Variants in STRN4 observed in about 807,000 individuals in gnomAD.
STRN4 encodes striatin 4, also known as striatin-4.
A neutral mutation model predicts 77.9 loss-of-function variants in STRN4; 27 were observed. The observed-to-expected ratio is 0.35, with a 90% CI of 0.26 to 0.48. The LOEUF (loss-of-function observed/expected upper bound fraction) is 0.48, where lower values mean the gene tolerates loss of function less well. STRN4 is among the 20% of genes least tolerant of loss of function. STRN4 has a pLI of 0.99. For missense variants in STRN4, 798 were observed against 1,049.7 expected (o/e 0.76, Z 3.31); for synonymous variants, 466 against 443.1 (o/e 1.05, Z -0.65).
chr19:46,746,201 G>C lies in STRN4; in HGVS notation c.230C>G (p.Ala77Gly). Residue 77 changes from alanine (A) to glycine (G), a missense_variant, in exon 1 of 18, where the codon GCG becomes GGG. Coordinates refer to ENST00000263280, the MANE Select transcript of STRN4 (RefSeq NM_013403.3). The stretch of plus-strand genomic sequence containing the variant: ...GCGGGCTTTCTCGGCTTCGAAGCGC[G>C]CCCACTCGTGCTGGATAAAGTGCAG... ...GILHFIQHEW[A>G]RFEAEKARWE... 1 of 1,538,612 alleles carries C rather than the reference G, an allele frequency of 6.5e-7. No individual in the cohort carries two copies. The highest frequency in any genetic ancestry group is 8.7e-7 in the Non-Finnish European group (1 of 1,151,004).
At position 46,723,701 on chromosome 19, in the gene STRN4, G is replaced by A. The variant is rs757119512; in HGVS notation, c.1595-417C>T. On this transcript the variant is annotated intron_variant, in intron 12 of 17. Coordinates refer to ENST00000263280, the MANE Select transcript of STRN4 (RefSeq NM_013403.3). This position sits in a 1 kb window ranked among gnomAD's most constrained non-coding sequence, Gnocchi z 5.5. ...AGCAGTCTTTTCAGCCCATGGCCAA[G>A]TGCATGGGCTTTGCCTGGTCTCTCC... Among the ~76,000 whole-genome samples, 9 of 152,202 alleles carry A rather than the reference G, an allele frequency of 5.9e-5. No individual in the cohort carries two copies. The highest frequency in any genetic ancestry group is 1.0e-4 in the Non-Finnish European group (7 of 68,032).
At chr19:46,745,891 C>T (rs961012382) in intron 1 of STRN4, 10 of 366,054 alleles carry the variant, frequency 2.7e-5, no homozygotes, top group Admixed American at 2.4e-4. Flanking sequence ...TTCTCTCGGC[C>T]GGTCCCGGTG....
At chr19:46,722,530 G>A (rs1424112810) in intron 14 of STRN4, among the ~76,000 whole-genome samples, 190 bp from the exon 15 acceptor site, 1 of 88,682 alleles carries the variant, frequency 1.1e-5, no homozygotes, top group African/African-American at 5.2e-5. Flanking sequence ...CCCTGTTTTG[G>A]GGCGGGGGAA....
At chr19:46,727,307 A>G (rs1240540661) in intron 9 of STRN4, 145 bp downstream of exon 9, 1 of 684,038 alleles carries the variant, frequency 1.5e-6, no homozygotes. Flanking sequence ...TGGCGACCGC[A>G]GTCAAGTCCC....
rs780137606 is a variant in STRN4, at chr19:46,727,952, C to T, written c.1095G>A (p.Gly365=). ...GILADLRDVD[G]LPPKVTGPPP... is the part of the protein sequence containing the mutation. ...GCGGGCCAGTCACTTTTGGGGGCAG[C>T]CCATCCACATCCCGCAGGTCAGCCA... is the stretch of plus-strand genomic sequence containing the variant. Residue 365 remains glycine (G), a synonymous_variant, in exon 8 of 18, where the codon GGG becomes GGA. Coordinates refer to ENST00000263280, the MANE Select transcript of STRN4 (RefSeq NM_013403.3). The T allele has an allele frequency of 6.2e-7, 1 of 1,613,714 alleles. No individual in the cohort carries two copies.
rs906444868 is a variant in STRN4, at chr19:46,730,619, A to G, written c.879+113T>C. 5.4e-6 allele frequency: 8 copies of G among 1,491,428 alleles called. No individual in the cohort carries two copies. In the African/African-American group the frequency reaches 9.6e-5, roughly 18 times the overall value. 92.4% of individuals were successfully genotyped at this position (1,491,428 alleles called of 1,614,324 possible). A position where few individuals can be genotyped will look rare whatever the true frequency, so the allele number is the denominator to read the frequency against. On this transcript the variant is annotated intron_variant, in intron 6 of 17. Coordinates refer to ENST00000263280, the MANE Select transcript of STRN4 (RefSeq NM_013403.3). The stretch of plus-strand genomic sequence containing the variant: ...TCCAGGCCAGGGCCTGTGTGTCTCC[A>G]TATCCCTGCTGCCAGCACACACCGC...
intron 8 of STRN4, 124 bp downstream of exon 8, chr19:46,727,770 C>T (rs182973242): frequency 3.7e-5 from 34 of 918,834 alleles, no homozygotes. Context: ...ACTTTTGGGG[C>T]AGGGAGGCTG....
In STRN4 at chr19:46,742,242, G is replaced by A. The variant is rs147042424; in HGVS notation, c.283-3354C>T. On this transcript the variant is annotated intron_variant, in intron 1 of 17. Transcript: ENST00000263280. ...CTGCTCATTATCAGACTGCAGCTCC[G>A]CCACCTTCCTGCTCCAAACTTATGG... is the stretch of plus-strand genomic sequence containing the variant. Among the ~76,000 whole-genome samples the A allele has an allele frequency of 1.3e-3, 205 of 152,210 alleles. 4 individuals are homozygous for A. In the East Asian group the frequency reaches 0.028, roughly 21 times the overall value.
rs1276780823 is a variant in STRN4, at chr19:46,724,897, T to G, written c.1504A>C (p.Asn502His). 6.2e-7 allele frequency: 1 copy of G among 1,613,988 alleles called. No homozygotes were observed. Among genetic ancestry groups the G allele is most frequent in the Non-Finnish European group, 8.5e-7 (1 of 1,180,050 alleles). ...CCGCCACTGTAGCAGTATTCACTGT[T>G]GCTGCCCATAGCCACAGCCAACACT... ...GPVLAVAMGS[N>H]SEYCYSGGAD... is the part of the protein sequence containing the mutation. Residue 502 changes from asparagine (N) to histidine (H), a missense_variant, in exon 12 of 18, where the codon AAC becomes CAC. By Grantham distance (68) the Asn-to-His change is moderately conservative. This residue lies in a region of STRN4 where 287 missense variants were observed against 473.8 expected (regional missense o/e 0.61). Transcript: ENST00000263280.
Position 46,722,069 on chromosome 19 carries a change from T to G in STRN4, c.2009A>C (p.Lys670Thr), listed in dbSNP as rs1308480795. The change falls in exon 16 of 18, where the codon AAG (lysine) becomes ACG (threonine). Residue 670 changes from lysine (K) to threonine (T), a missense_variant. Physicochemically the swap from Lys to Thr is moderately conservative, Grantham distance 78. Around this residue, in one of 2 missense-constraint regions of STRN4, gnomAD observed 287 missense variants for 473.8 expected, o/e 0.61. Coordinates refer to ENST00000263280, the MANE Select transcript of STRN4 (RefSeq NM_013403.3). ...GIRFLDNRTG[K>T]PVHSMVAHLD... Reference sequence around the variant, plus strand: ...GTGTGCAACCATGGAGTGCACCGGCTTACCTGAGGCGAGAAGGGCGGGTGG... The same window carrying G: ...GTGTGCAACCATGGAGTGCACCGGCGTACCTGAGGCGAGAAGGGCGGGTGG... 16 of 1,612,866 alleles carry G rather than the reference T, an allele frequency of 9.9e-6. No homozygotes were observed. The highest frequency in any genetic ancestry group is 1.3e-5 in the Non-Finnish European group (15 of 1,180,002).
In STRN4 at chr19:46,727,986, T is replaced by C; in HGVS notation, c.1061A>G (p.Gln354Arg). 1 of 1,614,012 alleles carries C rather than the reference T, an allele frequency of 6.2e-7. No individual in the cohort carries two copies. ...HELESRRVKL[Q>R]GILADLRDVD... ...ATCCCGCAGGTCAGCCAGAATGCCT[T>C]GGAGTTTGACCCGACGGCTTTCTGC... Residue 354 changes from glutamine to arginine, a missense_variant, in exon 8 of 18, where the codon CAA (glutamine) becomes CGA (arginine). Coordinates refer to ENST00000263280, the MANE Select transcript of STRN4 (RefSeq NM_013403.3).
In STRN4 at chr19:46,720,572, C is replaced by T. The variant is rs774725399; in HGVS notation, c.*30G>A. 14 of 1,519,624 alleles carry T rather than the reference C, an allele frequency of 9.2e-6. No homozygotes were observed. In the South Asian group the frequency reaches 1.2e-4, roughly 13 times the overall value. 94.1% of individuals were successfully genotyped at this position (1,519,624 alleles called of 1,614,324 possible). A position where few individuals can be genotyped will look rare whatever the true frequency, so the allele number is the denominator to read the frequency against. ...CTGCCCGGCCCTACACCCCAGCCAG[C>T]GTGGCGGCCAGGGCAGGGCCAGGTG... On this transcript the variant is annotated 3_prime_UTR_variant, in exon 17 of 18. Transcript: ENST00000263280.
At chr19:46,734,289 A>G (rs1488994181) in intron 4 of STRN4, among the ~76,000 whole-genome samples, 1 of 152,258 alleles carries the variant, frequency 6.6e-6, no homozygotes, top group Non-Finnish European at 1.5e-5. Context: ...TGAGGAGCCA[A>G]CAGGTGGAAA....
At position 46,728,653 on chromosome 19, in the gene STRN4, C is replaced by T. The variant is rs1191962122; in HGVS notation, c.1004G>A (p.Arg335Gln). Reference protein sequence around the residue: ...GEDGEGAPDPRRCTVDGSPHE... With the variant: ...GEDGEGAPDPQRCTVDGSPHE... ...GGGGCTCCCATCCACAGTGCACCGC[C>T]GAGGGTCTGGAGCCCCTTCCCCATC... Residue 335 changes from arginine to glutamine, a missense_variant, in exon 7 of 18, where the codon CGG becomes CAG. Transcript: ENST00000263280. The T allele has an allele frequency of 6.2e-6, 10 of 1,614,082 alleles. No homozygotes were observed. Among genetic ancestry groups the T allele is most frequent in the Non-Finnish European group, 7.6e-6 (9 of 1,179,992 alleles).
At position 46,733,771 on chromosome 19, in the gene STRN4, G is replaced by A. The variant is rs1165860379; in HGVS notation, c.540-535C>T. 1 of 152,602 alleles carries A rather than the reference G, an allele frequency of 6.6e-6. No homozygotes were observed. Among genetic ancestry groups the A allele is most frequent in the Non-Finnish European group, 1.5e-5 (1 of 68,304 alleles). 9.5% of individuals were successfully genotyped at this position (152,602 alleles called of 1,614,324 possible). ...ATAACAGCAGTGACCTCTGGAGAAT[G>A]GGATTAGGGGCGTAAGAGGAACTTT... On this transcript the variant is annotated intron_variant, in intron 4 of 17. Transcript: ENST00000263280. The surrounding 1 kb of genome is among the most constrained non-coding windows in gnomAD (Gnocchi z 4.3).
In STRN4 at chr19:46,746,015, G is replaced by T. The variant is rs912410742; in HGVS notation, c.282+134C>A. 5.3e-6 allele frequency: 6 copies of T among 1,131,990 alleles called. 1 individual carries two copies. In the South Asian group the frequency reaches 1.2e-4, roughly 23 times the overall value. 70.1% of individuals were successfully genotyped at this position (1,131,990 alleles called of 1,614,324 possible). A position where few individuals can be genotyped will look rare whatever the true frequency, so the allele number is the denominator to read the frequency against. On this transcript the variant is annotated intron_variant, in intron 1 of 17. Coordinates refer to ENST00000263280, the MANE Select transcript of STRN4 (RefSeq NM_013403.3). ...GGCCCCTCACTCGCCCTCCGGGACCGTCGCGGTCCCCTCCCGCCCCCCCGC... is the reference window on the plus strand; with the variant it reads ...GGCCCCTCACTCGCCCTCCGGGACCTTCGCGGTCCCCTCCCGCCCCCCCGC...
chr19:46,733,957 C>T lies in STRN4; in HGVS notation c.540-721G>A, dbSNP rs1212357834. On this transcript the variant is annotated intron_variant, in intron 4 of 17. Transcript: ENST00000263280. The surrounding 1 kb of genome is among the most constrained non-coding windows in gnomAD (Gnocchi z 4.3). The stretch of plus-strand genomic sequence containing the variant: ...GGCTTCAAAATACAGCGACAACAGT[C>T]CCTTGCTACTCCTCAGGAGGCTTCC... 1 of 152,236 alleles carries T rather than the reference C, an allele frequency of 6.6e-6. No individual in the cohort carries two copies. Among genetic ancestry groups the T allele is most frequent in the Non-Finnish European group, 1.5e-5 (1 of 68,048 alleles). 9.4% of individuals were successfully genotyped at this position (152,236 alleles called of 1,614,324 possible).
At chr19:46,724,644 ACGCGCTGCAT>A (rs2054063669) in intron 12 of STRN4, among the ~76,000 whole-genome samples, 153 bp downstream of exon 12, 1 of 152,210 alleles carries the variant, frequency 6.6e-6, no homozygotes, top group Admixed American at 6.5e-5. Flanking sequence ...TCCCTTGGCC[ACGCGCTGCAT>A]CGCGCTGCTC....
chr19:46,746,070 T>C (rs1289730762), intron 1 of STRN4, 79 bp downstream of exon 1: 3 of 1,216,454 alleles, frequency 2.5e-6, no homozygotes, highest in African/African-American at 3.3e-5. Context: ...TGCTCCAAGA[T>C]GGCGGCGGCG....
Sources: gnomAD v4.1 joint callset for allele counts (sites outside exome capture counted in the v4.1 genomes callset) on GRCh38, gnomAD v4.1.1 for gene constraint, gnomAD v4.1.1 regional missense constraint, Gnocchi (gnomAD v3.1) non-coding constraint, MANE v1.5 for transcripts, NCBI Gene and HGNC (gene_info 2026-07-23, HGNC 2026-07-21) for gene names.